The following VEPH1 variants were observed in gnomAD, a reference collection of about 807,000 sequenced individuals.
VEPH1 encodes the protein ventricular zone expressed PH domain containing 1.
In VEPH1, 80 loss-of-function variants were observed where a neutral mutation model predicts 85.2. The ratio of observed to expected loss-of-function variants is 0.94; its 90% CI spans 0.78 to 1.13. VEPH1 has a LOEUF of 1.13. Ranked by LOEUF, VEPH1 falls within the 50% of genes most tolerant of loss-of-function variation. The pLI, the probability that VEPH1 is intolerant of heterozygous loss-of-function variation, is 0.00. For missense variants in VEPH1, 955 were observed against 980.5 expected (o/e 0.97, Z 0.35); for synonymous variants, 297 against 348.0 (o/e 0.85, Z 1.63).
At position 157,283,180 on chromosome 3, in the gene VEPH1, A is replaced by C. The variant is rs113498956; in HGVS notation, c.2128+3377T>G. ...TAACATTACTGAATGATTGCTCTTG[A>C]AATTTCCAATATTTCATGTCCTTAA... On this transcript the variant is annotated intron_variant, in intron 12 of 13. Coordinates refer to ENST00000362010, the MANE Select transcript of VEPH1 (RefSeq NM_001167912.2). Among the ~76,000 whole-genome samples, 712 of 152,320 alleles carry C rather than the reference A, an allele frequency of 4.7e-3. 5 individuals carry two copies. Among genetic ancestry groups the C allele is most frequent in the Non-Finnish European group, 7.2e-3 (492 of 68,018 alleles).
intron 11 of VEPH1, among the ~76,000 whole-genome samples, chr3:157,305,036 A>ATATATCTATCTATCTATCTATCTATC (rs1553761309): frequency 2.2e-5 from 3 of 139,500 alleles, no homozygotes; most frequent in Non-Finnish European, 4.6e-5. Flanking sequence ...GTGTATTGTT[A>ATATATCTATCTATCTATCTATCTATC]TATCTATCTA....
intron 6 of VEPH1, among the ~76,000 whole-genome samples, chr3:157,398,153 C>T (rs752722815): frequency 1.3e-5 from 2 of 152,144 alleles, no homozygotes; most frequent in Non-Finnish European, 2.9e-5. Context: ...ACAACCTGCT[C>T]AACCCTGATC....
chr3:157,392,400 T>C (rs1560025293), intron 6 of VEPH1, among the ~76,000 whole-genome samples: 1 of 152,172 alleles, frequency 6.6e-6, no homozygotes, highest in Non-Finnish European at 1.5e-5. Flanking sequence ...GAGAACAGCA[T>C]GGGAAAGATA....
At chr3:157,406,911 G>A (rs1731180628) in intron 6 of VEPH1, among the ~76,000 whole-genome samples, 1 of 150,862 alleles carries the variant, frequency 6.6e-6, no homozygotes, top group African/African-American at 2.4e-5. Flanking sequence ...AAGTAAAGAT[G>A]ACTATTAAAC....
chr3:157,288,086 A>G (rs973207882), intron 11 of VEPH1, among the ~76,000 whole-genome samples: 2 of 152,200 alleles, frequency 1.3e-5, no homozygotes, highest in Admixed American at 1.3e-4. Context: ...CAAATTAAAT[A>G]GCTCTACTGT....
intron 11 of VEPH1, among the ~76,000 whole-genome samples, chr3:157,290,181 AT>A (rs1404485845): frequency 6.6e-6 from 1 of 152,074 alleles, no homozygotes; most frequent in African/African-American, 2.4e-5. Flanking sequence ...GGCTTTTAGG[AT>A]CTTAAAGGAG....
intron 12 of VEPH1, among the ~76,000 whole-genome samples, chr3:157,272,391 C>CT (rs1250470083): frequency 7.8e-6 from 1 of 128,964 alleles, no homozygotes; most frequent in Non-Finnish European, 1.6e-5. Flanking sequence ...TTCTTTCTTT[C>CT]TTTCTTTCTT....
At chr3:157,418,575 A>G (rs1020781196) in intron 5 of VEPH1, among the ~76,000 whole-genome samples, 5 of 152,226 alleles carry the variant, frequency 3.3e-5, no homozygotes, top group African/African-American at 1.2e-4. Context: ...ATAAATTCCC[A>G]TTCGCAATTG....
chr3:157,293,331 A>C (rs1351905121), intron 11 of VEPH1, among the ~76,000 whole-genome samples: 1 of 152,218 alleles, frequency 6.6e-6, no homozygotes, highest in African/African-American at 2.4e-5. Context: ...ATGCCTAATT[A>C]GTAAGGGAAC....
At chr3:157,377,983 C>T (rs546453516) in intron 7 of VEPH1, among the ~76,000 whole-genome samples, 2 of 152,072 alleles carry the variant, frequency 1.3e-5, no homozygotes, top group South Asian at 4.2e-4. Context: ...AACCTTGTGT[C>T]CATAGGGAAA....
chr3:157,356,335 T>A (rs73873647), intron 9 of VEPH1, among the ~76,000 whole-genome samples: 223 of 151,264 alleles, frequency 1.5e-3, no homozygotes, highest in African/African-American at 4.9e-3. Context: ...TTTACTCAGC[T>A]CTTTTTGCCT....
chr3:157,445,833 G>A (rs778458766), intron 4 of VEPH1, among the ~76,000 whole-genome samples: 12 of 152,096 alleles, frequency 7.9e-5, no homozygotes, highest in Non-Finnish European at 1.5e-4. Flanking sequence ...AAACAACTAC[G>A]CACTTTATTC....
chr3:157,261,202 GGAGCCATT>G lies in VEPH1; in HGVS notation c.2426_2433del (p.Glu809AlafsTer16), dbSNP rs1188626085. On this transcript the variant is annotated frameshift_variant, in exon 14 of 14. Transcript: ENST00000362010. LOFTEE classifies it high-confidence loss of function. ...TGGGCAACTGCCACGTTGATGCACT[GGAGCCATT>G]CTTCTGCATTCTTCTCATCCTTGGC... 1.2e-6 allele frequency: 2 copies of G among 1,613,808 alleles called. No homozygotes were observed. Among genetic ancestry groups the G allele is most frequent in the Non-Finnish European group, 1.7e-6 (2 of 1,179,792 alleles).
intron 9 of VEPH1, among the ~76,000 whole-genome samples, chr3:157,342,322 T>C (rs998084775): frequency 4.6e-5 from 7 of 151,952 alleles, no homozygotes; most frequent in African/African-American, 1.7e-4. Flanking sequence ...AATAAAGGGA[T>C]GGAGGAAGAT....
chr3:157,313,522 C>G lies in VEPH1; in HGVS notation c.2010+99G>C, dbSNP rs535902554. ...ATGATAATAATAAAAGAAAGGTAAA[C>G]GAAAGAAGGATGAAATTTAATTGCT... On this transcript the variant is annotated intron_variant, in intron 11 of 13. Coordinates refer to ENST00000362010, the MANE Select transcript of VEPH1 (RefSeq NM_001167912.2). 5.8e-6 allele frequency: 8 copies of G among 1,374,726 alleles called. No individual in the cohort carries two copies. In the East Asian group the frequency reaches 1.6e-4, roughly 28 times the overall value. 85.2% of individuals were successfully genotyped at this position (1,374,726 alleles called of 1,614,324 possible).
chr3:157,368,010 A>T (rs189424075), intron 7 of VEPH1, among the ~76,000 whole-genome samples: 2 of 152,228 alleles, frequency 1.3e-5, no homozygotes, highest in Non-Finnish European at 2.9e-5. Flanking sequence ...TTCTTAAAAA[A>T]GTTTCATATT....
intron 3 of VEPH1, among the ~76,000 whole-genome samples, chr3:157,465,710 GGAA>G (rs1342251528): frequency 3.3e-5 from 5 of 152,174 alleles, no homozygotes; most frequent in African/African-American, 7.2e-5. Context: ...CATTGACTGG[GGAA>G]GAAGAACTGA....
At chr3:157,416,350 A>G (rs1182865896) in intron 5 of VEPH1, among the ~76,000 whole-genome samples, 1 of 146,442 alleles carries the variant, frequency 6.8e-6, no homozygotes, top group African/African-American at 2.6e-5. Flanking sequence ...ATTCATATCC[A>G]GTACTTTTGG....
At chr3:157,485,566 C>T (rs113821621) in intron 2 of VEPH1, among the ~76,000 whole-genome samples, 1,556 of 151,852 alleles carry the variant, frequency 0.01, 25 homozygotes, top group African/African-American at 0.035. Context: ...ATGATAAAAA[C>T]TCAATCAATT....
Sources: allele counts gnomAD v4.1 joint callset (sites outside exome capture counted in the v4.1 genomes callset), GRCh38; gene constraint gnomAD v4.1.1; transcripts MANE v1.5; gene names NCBI Gene and HGNC (gene_info 2026-07-23, HGNC 2026-07-21).